The following SYT1 variants were observed in gnomAD, a reference collection of about 807,000 sequenced individuals.
SYT1 encodes the protein synaptotagmin 1.
Under a neutral mutation model 44.8 loss-of-function variants are expected in SYT1, and 8 were observed. The ratio of observed to expected loss-of-function variants is 0.18; its 90% CI spans 0.10 to 0.32. The LOEUF (loss-of-function observed/expected upper bound fraction) is 0.32, where lower values mean the gene tolerates loss of function less well. Among genes scored for constraint, SYT1 ranks in the 10% least tolerant of loss-of-function variants. The pLI is 1.00. For synonymous variants in SYT1, 154 were observed against 188.8 expected, an observed-to-expected ratio of 0.82 and a Z score of 1.51; for missense variants, 286 against 509.3, an observed-to-expected ratio of 0.56 and a Z score of 4.22.
chr12:79,009,471 C>T (rs1871289801), intron 2 of SYT1, among the ~76,000 whole-genome samples: 1 of 152,122 alleles, frequency 6.6e-6, no homozygotes, highest in Non-Finnish European at 1.5e-5. Context: ...AAATGCAAAT[C>T]ATAGCTATTA....
chr12:78,871,439 A>T (rs1345191243), intron 1 of SYT1, among the ~76,000 whole-genome samples: 1 of 152,012 alleles, frequency 6.6e-6, no homozygotes, highest in Non-Finnish European at 1.5e-5. Context: ...CTCATGATGT[A>T]CTTACTGGTC....
chr12:79,326,880 G>T (rs1881630612), intron 8 of SYT1, among the ~76,000 whole-genome samples: 1 of 152,188 alleles, frequency 6.6e-6, no homozygotes, highest in South Asian at 2.1e-4. Flanking sequence ...AACCTAGGAA[G>T]AAAACACCTC....
At chr12:78,865,305 C>G (rs568193285) in intron 1 of SYT1, among the ~76,000 whole-genome samples, 196 bp downstream of exon 1, 2 of 152,204 alleles carry the variant, frequency 1.3e-5, no homozygotes, top group South Asian at 2.1e-4. Flanking sequence ...GCACAGCGCC[C>G]GTGATTTAGA....
chr12:79,209,005 C>T (rs1478550718), intron 3 of SYT1, among the ~76,000 whole-genome samples: 1 of 152,138 alleles, frequency 6.6e-6, no homozygotes, highest in Non-Finnish European at 1.5e-5. Flanking sequence ...AATCCAGGCA[C>T]CTGGGTGTTT....
intron 3 of SYT1, among the ~76,000 whole-genome samples, chr12:79,082,337 A>G (rs1451158886): frequency 1.3e-5 from 2 of 152,176 alleles, no homozygotes; most frequent in African/African-American, 4.8e-5. Context: ...AATAAACATC[A>G]CAGGATAGCA....
At chr12:79,399,673 A>G (rs1885003477) in intron 9 of SYT1, among the ~76,000 whole-genome samples, 1 of 152,220 alleles carries the variant, frequency 6.6e-6, no homozygotes, top group Non-Finnish European at 1.5e-5. Context: ...TGTAGAAGAT[A>G]TTACAGAGTA....
At chr12:79,263,184 TG>T (rs769934675) in intron 4 of SYT1, among the ~76,000 whole-genome samples, 5 of 152,142 alleles carry the variant, frequency 3.3e-5, no homozygotes, top group Non-Finnish European at 7.3e-5. Context: ...GCTCGCATTC[TG>T]GGGTGAGTGC....
chr12:78,983,586 G>C (rs1019255189), intron 2 of SYT1, among the ~76,000 whole-genome samples: 2 of 152,010 alleles, frequency 1.3e-5, no homozygotes, highest in Non-Finnish European at 2.9e-5. Flanking sequence ...TAAAGGTTTA[G>C]CCCTAAATTG....
intron 2 of SYT1, among the ~76,000 whole-genome samples, chr12:79,043,015 T>A (rs1873713747): frequency 6.9e-6 from 1 of 145,836 alleles, no homozygotes. Context: ...TTCTGTTCTT[T>A]TACATTTGCT....
chr12:79,145,751 T>TGTA (rs2138234493), intron 3 of SYT1, among the ~76,000 whole-genome samples: 1 of 147,754 alleles, frequency 6.8e-6, no homozygotes, highest in South Asian at 2.1e-4. Context: ...TTTTTTTTTT[T>TGTA]TGTTTGTTTG....
intron 10 of SYT1, among the ~76,000 whole-genome samples, chr12:79,446,827 T>C (rs1363037089): frequency 6.6e-6 from 1 of 152,198 alleles, no homozygotes; most frequent in Non-Finnish European, 1.5e-5. Context: ...ACGATTTATT[T>C]TGCAATATTT....
intron 3 of SYT1, among the ~76,000 whole-genome samples, chr12:79,074,164 A>T (rs1876477668): frequency 6.6e-6 from 1 of 152,164 alleles, no homozygotes. Flanking sequence ...ATTAATCTTT[A>T]AAATAACACC....
intron 9 of SYT1, among the ~76,000 whole-genome samples, chr12:79,368,107 C>T (rs915789779): frequency 6.9e-6 from 1 of 145,124 alleles, no homozygotes; most frequent in African/African-American, 2.6e-5. Context: ...TCCATGTGTT[C>T]TCATTGTTCA....
At chr12:78,992,538 A>G (rs1206545668) in intron 2 of SYT1, among the ~76,000 whole-genome samples, 2 of 152,204 alleles carry the variant, frequency 1.3e-5, no homozygotes, top group African/African-American at 4.8e-5. Context: ...AACTTTGTAT[A>G]TTTGTACTGT....
At chr12:79,396,563 T>C (rs566519600) in intron 9 of SYT1, among the ~76,000 whole-genome samples, 8 of 152,296 alleles carry the variant, frequency 5.3e-5, no homozygotes, top group Non-Finnish European at 1.0e-4. Context: ...GAAGTCATCA[T>C]AGTCCTTTTC....
intron 9 of SYT1, among the ~76,000 whole-genome samples, chr12:79,439,865 CAT>C (rs1364612229): frequency 2.0e-5 from 3 of 150,936 alleles, no homozygotes; most frequent in Admixed American, 2.0e-4. Context: ...GTCTCTCTGA[CAT>C]ATCACAAAGA....
intron 9 of SYT1, among the ~76,000 whole-genome samples, chr12:79,381,126 A>T (rs1884203565): frequency 1.3e-5 from 2 of 152,194 alleles, no homozygotes; most frequent in Admixed American, 1.3e-4. Flanking sequence ...AGGATTTAGT[A>T]GTTTTTATTC....
intron 3 of SYT1, among the ~76,000 whole-genome samples, chr12:79,052,624 A>T (rs994143527): frequency 6.6e-6 from 1 of 152,086 alleles, no homozygotes; most frequent in Admixed American, 6.6e-5. Context: ...AAGGGCTAAT[A>T]TCCAGAATCT....
Position 78,931,234 on chromosome 12 carries a change from A to G in SYT1, c.-216-46565A>G, listed in dbSNP as rs868854851. On this transcript the variant is annotated intron_variant, in intron 1 of 10. Transcript: ENST00000261205. ...AAGAAAGAAAGAAAGAAAGAAAGAAAGAAAGAAGGAAGGAAGGAAGGAAGG... is the reference window on the plus strand; with the variant it reads ...AAGAAAGAAAGAAAGAAAGAAAGAAGGAAAGAAGGAAGGAAGGAAGGAAGG... Among the ~76,000 whole-genome samples, 420 of 51,366 alleles carry G rather than the reference A, an allele frequency of 8.2e-3. 30 individuals are homozygous for G. The highest frequency in any genetic ancestry group is 0.035 in the African/African-American group (312 of 9,034). 33.7% of individuals were successfully genotyped at this position (51,366 alleles called of 152,430 possible).
Sources: gnomAD v4.1 joint callset for allele counts (sites outside exome capture counted in the v4.1 genomes callset) on GRCh38, gnomAD v4.1.1 for gene constraint, MANE v1.5 for transcripts, NCBI Gene and HGNC (gene_info 2026-07-23, HGNC 2026-07-21) for gene names.